The following SGSH variants were observed in gnomAD, a reference collection of about 807,000 sequenced individuals.
SGSH encodes the protein N-sulfoglucosamine sulfohydrolase.
SGSH carries 48 observed loss-of-function variants against 51.0 expected under a neutral mutation model. The observed-to-expected ratio is 0.94, with a 90% CI of 0.75 to 1.20. The LOEUF (loss-of-function observed/expected upper bound fraction) is 1.20, where lower values mean the gene tolerates loss of function less well. SGSH is among the 50% of genes most tolerant of loss of function. The probability of loss-of-function intolerance (pLI) is 0.00; values close to 1 mark genes in which losing one functional copy is unlikely to be tolerated. For missense variants in SGSH, 662 were observed against 717.8 expected (o/e 0.92, Z 0.89); for synonymous variants, 321 against 313.4 (o/e 1.02, Z -0.26).
intron 3 of SGSH, 70 bp from the exon 4 acceptor site, chr17:80,214,835 CTCTCGGCCCT>C (rs2041827295): frequency 3.2e-5 from 50 of 1,565,426 alleles, no homozygotes; most frequent in Non-Finnish European, 4.4e-5. Context: ...TTCTCTGCCC[CTCTCGGCCCT>C]AAGCGCACTG....
rs373411232 is a variant in SGSH, at chr17:80,217,910, C to A, written c.89-718G>T. Among the ~76,000 whole-genome samples the A allele has an allele frequency of 2.7e-5, 4 of 150,702 alleles. No homozygotes were observed. The East Asian group carries it at 7.9e-4, about 30-fold the overall frequency. ...GGTATGTTGGCAGGTGGGCATGGTA[C>A]ACAGGCTGGACTGATAGCTGGTGGG... is the stretch of plus-strand genomic sequence containing the variant. On this transcript the variant is annotated intron_variant, in intron 1 of 7. Transcript: ENST00000326317.
chr17:80,203,492 C>T (rs183105302), downstream of SGSH: 184 of 281,042 alleles, frequency 6.5e-4, no homozygotes, highest in Non-Finnish European at 1.1e-3. This position sits in a 1 kb window ranked among gnomAD's most constrained non-coding sequence, Gnocchi z 4.6. Context: ...CTCCAGGCTG[C>T]AGGCCAGGGA....
downstream of SGSH, chr17:80,201,888 C>T (rs759334924): frequency 6.3e-7 from 1 of 1,596,996 alleles, no homozygotes. This position sits in a 1 kb window ranked among gnomAD's most constrained non-coding sequence, Gnocchi z 5.0. Flanking sequence ...TACCACTCCT[C>T]TCGTGTGCAC....
chr17:80,205,513 G>T, downstream of SGSH: 1 of 1,579,598 alleles, frequency 6.3e-7, no homozygotes, highest in Non-Finnish European at 8.6e-7. Flanking sequence ...TGATGGCCCC[G>T]TCCAATGTCA....
At chr17:80,204,888 T>A, downstream of SGSH, 2 of 662,124 alleles carry the variant, frequency 3.0e-6, no homozygotes, top group Non-Finnish European at 5.0e-6. Context: ...TGGGAGTGAG[T>A]CCTGTGACCG....
At chr17:80,207,134 C>T, downstream of SGSH, 1 of 1,406,374 alleles carries the variant, frequency 7.1e-7, no homozygotes, top group Non-Finnish European at 1.0e-6. Flanking sequence ...GGCTCCTGGG[C>T]TCCCCCAAAG....
At chr17:80,202,685 C>A, downstream of SGSH, 1 of 1,181,418 alleles carries the variant, frequency 8.5e-7, no homozygotes, top group African/African-American at 1.6e-5. Flanking sequence ...GTACCATGGA[C>A]GTTTGGGGCT....
chr17:80,217,865 A>C (rs1299559753), intron 1 of SGSH, among the ~76,000 whole-genome samples: 1 of 144,658 alleles, frequency 6.9e-6, no homozygotes, highest in African/African-American at 2.6e-5. Flanking sequence ...TGATACCCTA[A>C]GCAGGCATGA....
downstream of SGSH, chr17:80,204,832 G>C: frequency 1.8e-6 from 1 of 547,536 alleles, no homozygotes. Flanking sequence ...CCACAGAGCT[G>C]TGTAACCCCC....
Position 80,217,024 on chromosome 17 carries a change from C to T in SGSH, c.249+8G>A. 2 of 1,555,292 alleles carry T rather than the reference C, an allele frequency of 1.3e-6. No individual in the cohort carries two copies. The highest frequency in any genetic ancestry group is 1.7e-6 in the Non-Finnish European group (2 of 1,151,868). Reference sequence around the variant, plus strand: ...GCCCACCCCCTCCTCCCGCCCCTTGCACCTCACCTGGGGCAGGCCAGTGAG... The same window carrying T: ...GCCCACCCCCTCCTCCCGCCCCTTGTACCTCACCTGGGGCAGGCCAGTGAG... On this transcript the variant is annotated splice_region_variant and intron_variant, in intron 2 of 7. Coordinates refer to ENST00000326317, the MANE Select transcript of SGSH (RefSeq NM_000199.5).
In SGSH at chr17:80,214,612, T is replaced by C. The variant is rs1460108613; in HGVS notation, c.506+3A>G. ...GGGAAGGGGCAGGGGCCCCGACTCA[T>C]ACCGGTCATCCTGAGTCTGCAGGAA... On this transcript the variant is annotated splice_donor_region_variant and intron_variant, in intron 4 of 7. Transcript: ENST00000326317. 3.7e-6 allele frequency: 6 copies of C among 1,612,376 alleles called. No individual in the cohort carries two copies. The highest frequency in any genetic ancestry group is 2.2e-5 in the East Asian group (1 of 44,850).
chr17:80,209,498 A>G lies in SGSH; in HGVS notation c.*954T>C. On this transcript the variant is annotated 3_prime_UTR_variant, in exon 8 of 8. Coordinates refer to ENST00000326317, the MANE Select transcript of SGSH (RefSeq NM_000199.5). ...CGAGGTGGGTGGAGGCAGGGCAGGA[A>G]CGGCACATTCTCCCAGCAACGCCGA... is the stretch of plus-strand genomic sequence containing the variant. 7 of 985,436 alleles carry G rather than the reference A, an allele frequency of 7.1e-6. No homozygotes were observed. Among genetic ancestry groups the G allele is most frequent in the Non-Finnish European group, 8.4e-6 (7 of 830,066 alleles). The allele number at this position is 985,436 out of a possible 1,614,324, so 61.0% of individuals were successfully genotyped here.
intron 1 of SGSH, among the ~76,000 whole-genome samples, chr17:80,218,579 C>A (rs1423849928): frequency 6.6e-6 from 1 of 152,194 alleles, no homozygotes; most frequent in African/African-American, 2.4e-5. Context: ...ATCCTCCACC[C>A]CACAGTACCC....
At chr17:80,202,393 C>T (rs147578051), downstream of SGSH, 94 of 1,612,948 alleles carry the variant, frequency 5.8e-5, no homozygotes, top group Non-Finnish European at 6.9e-5. Context: ...GATACTGCCG[C>T]GCACGGCACC....
rs2041799503 is a variant in SGSH, at chr17:80,214,273, G to T, written c.562C>A (p.Pro188Thr). 1 of 1,613,162 alleles carries T rather than the reference G, an allele frequency of 6.2e-7. No individual in the cohort carries two copies. The highest frequency in any genetic ancestry group is 1.3e-5 in the African/African-American group (1 of 74,934). Residue 188 changes from proline to threonine, a missense_variant, in exon 5 of 8, where the codon CCC becomes ACC. Pro to Thr is a conservative substitution (Grantham distance 38, BLOSUM62 -1). Coordinates refer to ENST00000326317, the MANE Select transcript of SGSH (RefSeq NM_000199.5). Reference sequence around the variant, plus strand: ...TTCTCACAGAAGGTTCCGTACTGGGGCTGGGAGTGCCCACAGCGGTGGGGG... The same window carrying T: ...TTCTCACAGAAGGTTCCGTACTGGGTCTGGGAGTGCCCACAGCGGTGGGGG... ...HDPHRCGHSQ[P>T]QYGTFCEKFG... is the part of the protein sequence containing the mutation.
intron 5 of SGSH, 35 bp downstream of exon 5, chr17:80,214,137 A>G (rs754948363): frequency 6.3e-7 from 1 of 1,587,298 alleles, no homozygotes; most frequent in Admixed American, 1.8e-5. Context: ...CCCAGGGCTG[A>G]CGGGCGTCCT....
chr17:80,202,442 G>A (rs750773682), downstream of SGSH: 30 of 1,604,052 alleles, frequency 1.9e-5, no homozygotes, highest in Admixed American at 1.5e-4. Flanking sequence ...CCTCGAGCTC[G>A]GTGCGTCCCC....
At chr17:80,214,849 C>T (rs772147527) in intron 3 of SGSH, 84 bp from the exon 4 acceptor site, 62 of 1,522,844 alleles carry the variant, frequency 4.1e-5, no homozygotes, top group Non-Finnish European at 5.4e-5. Context: ...CGGCCCTAAG[C>T]GCACTGTGGG....
At chr17:80,214,052 T>A in intron 5 of SGSH, 120 bp downstream of exon 5, 1 of 1,409,718 alleles carries the variant, frequency 7.1e-7, no homozygotes, top group Non-Finnish European at 9.8e-7. Context: ...GGAACCTGAA[T>A]CCGATTTGGT....
Sources: allele counts gnomAD v4.1 joint callset (sites outside exome capture counted in the v4.1 genomes callset), GRCh38; gene constraint gnomAD v4.1.1; non-coding constraint Gnocchi (gnomAD v3.1); transcripts MANE v1.5; gene names NCBI Gene and HGNC (gene_info 2026-07-23, HGNC 2026-07-21).